The following AFF2 variants were observed in gnomAD, a reference collection of about 807,000 sequenced individuals.
AFF2 encodes ALF transcription elongation factor 2.
Under a neutral mutation model 76.9 loss-of-function variants are expected in AFF2, and 14 were observed. That is an observed-to-expected ratio of 0.18 (90% CI 0.12 to 0.28). AFF2 has a LOEUF of 0.28. AFF2 is among the 10% of genes least tolerant of loss of function. AFF2 has a pLI of 1.00. For synonymous variants in AFF2, 398 were observed against 366.7 expected, an observed-to-expected ratio of 1.09 and a Z score of -0.98; for missense variants, 868 against 1,001.1, an observed-to-expected ratio of 0.87 and a Z score of 1.79.
At chrX:148,546,697 G>A (rs2052924814) in intron 1 of AFF2, among the ~76,000 whole-genome samples, 2 of 112,024 alleles carry the variant, frequency 1.8e-5, no homozygotes. Context: ...TGTCTATGCT[G>A]GAGAGAATCT....
chrX:148,980,781 G>A lies in AFF2; in HGVS notation c.3614G>A (p.Ser1205Asn), dbSNP rs1177378211. The A allele has an allele frequency of 8.4e-7, 1 of 1,187,569 alleles. No individual in the cohort carries two copies. The highest frequency in any genetic ancestry group is 1.1e-6 in the Non-Finnish European group (1 of 879,557). The change falls in exon 19 of 21, where the codon AGC (serine) becomes AAC (asparagine). Residue 1205 changes from serine (S) to asparagine (N), a missense_variant. By Grantham distance (46) the Ser-to-Asn change is conservative (BLOSUM62 1). This residue lies in a region of AFF2 where 46 missense variants were observed against 40.8 expected (regional missense o/e 1.13). Transcript: ENST00000370460. ...GCACAGATACCCTCTCCATGGGTAAGCAATGGAAAGTAAGTATTTTCTGAA... is the reference window on the plus strand; with the variant it reads ...GCACAGATACCCTCTCCATGGGTAAACAATGGAAAGTAAGTATTTTCTGAA... Reference protein sequence around the residue: ...KVAQIPSPWVSNGKNTPSPVS... With the variant: ...KVAQIPSPWVNNGKNTPSPVS...
chrX:148,807,629 C>T (rs1251964966), intron 3 of AFF2, among the ~76,000 whole-genome samples: 1 of 112,111 alleles, frequency 8.9e-6, no homozygotes, highest in Non-Finnish European at 1.9e-5. Context: ...GATGTGTTTG[C>T]GTGGGAAAAG....
intron 1 of AFF2, among the ~76,000 whole-genome samples, chrX:148,596,868 T>C (rs1557247381): frequency 2.7e-5 from 3 of 112,161 alleles, no homozygotes. Flanking sequence ...ATTGACTAAC[T>C]CCTCAGGGGA....
chrX:148,709,614 G>C (rs782063653), intron 3 of AFF2, among the ~76,000 whole-genome samples: 1 of 112,138 alleles, frequency 8.9e-6, no homozygotes, highest in East Asian at 2.8e-4. Flanking sequence ...GTACATAGTA[G>C]AGGATTTGCT....
At chrX:148,868,818 G>A (rs782551991) in intron 7 of AFF2, among the ~76,000 whole-genome samples, 2 of 112,004 alleles carry the variant, frequency 1.8e-5, no homozygotes, top group Non-Finnish European at 1.9e-5. Flanking sequence ...TGAATGCTGT[G>A]TCCTTACATG....
Position 148,885,963 on chromosome X carries a change from G to T in AFF2, c.1337G>T (p.Cys446Phe). 1 of 1,208,332 alleles carries T rather than the reference G, an allele frequency of 8.3e-7. No individual in the cohort carries two copies. The highest frequency in any genetic ancestry group is 1.1e-6 in the Non-Finnish European group (1 of 892,684). The change falls in exon 8 of 21, where the codon TGC becomes TTC. Residue 446 changes from cysteine to phenylalanine, a missense_variant. Around this residue, in one of 6 missense-constraint regions of AFF2, gnomAD observed 532 missense variants for 564.2 expected, o/e 0.94. Coordinates refer to ENST00000370460, the MANE Select transcript of AFF2 (RefSeq NM_002025.4). ...LEPVKTLTTQ[C>F]TATELYQAVE... ...CCTGTGAAGACCTTGACCACTCAGT[G>T]CACTGCCACTGAGCTCTACCAGGTT...
chrX:148,755,074 A>G (rs781798250), intron 3 of AFF2, among the ~76,000 whole-genome samples: 11 of 111,598 alleles, frequency 9.9e-5, no homozygotes, highest in Admixed American at 1.9e-4. Context: ...TGTAGGAGTC[A>G]AAGAGATAGA....
chrX:148,655,220 GC>G (rs1223992818), intron 2 of AFF2, among the ~76,000 whole-genome samples: 4 of 110,588 alleles, frequency 3.6e-5, no homozygotes, highest in Non-Finnish European at 7.6e-5. Context: ...ATAGTGTGGG[GC>G]AGGGCCTATT....
chrX:148,589,391 G>A (rs2053500812), intron 1 of AFF2, among the ~76,000 whole-genome samples: 1 of 112,113 alleles, frequency 8.9e-6, no homozygotes, highest in African/African-American at 3.2e-5. Context: ...CATGGAGATA[G>A]GGTTCAGAGA....
chrX:148,659,669 G>A (rs151273079), intron 2 of AFF2, among the ~76,000 whole-genome samples: 467 of 112,210 alleles, frequency 4.2e-3, no homozygotes, highest in African/African-American at 0.014. Flanking sequence ...TTTAAAGCTT[G>A]CATCAGATTC....
At chrX:148,922,358 C>G (rs995170608) in intron 9 of AFF2, among the ~76,000 whole-genome samples, 2 of 111,645 alleles carry the variant, frequency 1.8e-5, no homozygotes, top group Non-Finnish European at 3.8e-5. Context: ...GGTCCAAAGT[C>G]TGGCAGTTAG....
At chrX:148,581,124 T>C (rs1313456552) in intron 1 of AFF2, among the ~76,000 whole-genome samples, 1 of 99,977 alleles carries the variant, frequency 1.0e-5, no homozygotes, top group Non-Finnish European at 2.1e-5. Flanking sequence ...TATACACACA[T>C]ATACGTATAC....
At chrX:148,617,572 A>C (rs1334987048) in intron 1 of AFF2, among the ~76,000 whole-genome samples, 1 of 111,920 alleles carries the variant, frequency 8.9e-6, no homozygotes, top group Non-Finnish European at 1.9e-5. Flanking sequence ...AATTTAGTTG[A>C]ATTAGATCCC....
intron 3 of AFF2, among the ~76,000 whole-genome samples, chrX:148,692,020 A>C (rs781884582): frequency 1.1e-5 from 1 of 95,183 alleles, no homozygotes; most frequent in African/African-American, 3.9e-5. Context: ...TTAAAACTGC[A>C]TAGTTCCTTA....
chrX:148,874,027 A>G (rs2124104752), intron 7 of AFF2, among the ~76,000 whole-genome samples: 1 of 111,745 alleles, frequency 8.9e-6, no homozygotes, highest in Non-Finnish European at 1.9e-5. Flanking sequence ...CTAGTTACCT[A>G]TCTATCAAGA....
chrX:148,916,302 C>T (rs926629391), intron 9 of AFF2, among the ~76,000 whole-genome samples: 1 of 95,620 alleles, frequency 1.0e-5, no homozygotes, highest in Non-Finnish European at 2.0e-5. Flanking sequence ...CTCCGCCTCC[C>T]GGGTTCATGC....
In AFF2 at chrX:148,928,553, G is replaced by C. The variant is rs1481333321; in HGVS notation, c.1397+24295G>C. ...ACAAATTTGGGAGTCATCCCGGGAT[G>C]CTTCATTTACACATTTCAAAATGGT... On this transcript the variant is annotated intron_variant, in intron 9 of 20. Transcript: ENST00000370460. Among the ~76,000 whole-genome samples, 9 of 112,791 alleles carry C rather than the reference G, an allele frequency of 8.0e-5. No individual in the cohort carries two copies. In the Admixed American group the frequency reaches 8.4e-4, roughly 11 times the overall value.
chrX:148,542,696 G>C (rs1260638240), intron 1 of AFF2, among the ~76,000 whole-genome samples: 3 of 111,756 alleles, frequency 2.7e-5, no homozygotes, highest in African/African-American at 9.8e-5. Context: ...CAGCAAGGAA[G>C]GAAGTGGGAT....
chrX:148,658,823 G>A (rs1392621336), intron 2 of AFF2, among the ~76,000 whole-genome samples: 1 of 112,015 alleles, frequency 8.9e-6, no homozygotes, highest in Non-Finnish European at 1.9e-5. Flanking sequence ...CCTGATTTTT[G>A]CCTTCTATTA....
Sources: allele counts gnomAD v4.1 joint callset (sites outside exome capture counted in the v4.1 genomes callset), GRCh38; gene constraint gnomAD v4.1.1; regional missense constraint gnomAD v4.1.1; transcripts MANE v1.5; gene names NCBI Gene and HGNC (gene_info 2026-07-23, HGNC 2026-07-21).